CYB5R4: variants seen among roughly 807,000 people sequenced by gnomAD.
CYB5R4 encodes N-terminal cytochrome b5 and cytochrome b5 oxidoreductase domain-containing protein.
A neutral mutation model predicts 70.2 loss-of-function variants in CYB5R4; 55 were observed. The observed-to-expected ratio is 0.78, with a 90% CI of 0.63 to 0.98. The LOEUF is 0.98. Among genes scored for constraint, CYB5R4 ranks in the 50% least tolerant of loss-of-function variants. The pLI is 0.00. For synonymous variants in CYB5R4, 197 were observed against 199.5 expected, an observed-to-expected ratio of 0.99 and a Z score of 0.11; for missense variants, 562 against 612.6, an observed-to-expected ratio of 0.92 and a Z score of 0.87.
At chr6:83,925,035 G>A (rs1282327001) in intron 10 of CYB5R4, among the ~76,000 whole-genome samples, 2 of 152,034 alleles carry the variant, frequency 1.3e-5, no homozygotes, top group Non-Finnish European at 2.9e-5. Context: ...CTTCTCACAT[G>A]GCTATAAAGA....
chr6:83,934,501 G>GA lies in CYB5R4; in HGVS notation c.815-90dup, dbSNP rs2099468627. 1.8e-5 allele frequency: 15 copies of GA among 835,136 alleles called. No individual in the cohort carries two copies. The South Asian group carries it at 3.5e-4, about 20-fold the overall frequency. The allele number at this position is 835,136 out of a possible 1,614,324, so 51.7% of individuals were successfully genotyped here. A position where few individuals can be genotyped will look rare whatever the true frequency, so the allele number is the denominator to read the frequency against. On this transcript the variant is annotated intron_variant, in intron 10 of 15. Coordinates refer to ENST00000369681, the MANE Select transcript of CYB5R4 (RefSeq NM_016230.4). ...ATTTTAGTGAAATTGAAGCTTTCTA[G>GA]AAAACAGAAGCTGAGTATATGCTTT... is the stretch of plus-strand genomic sequence containing the variant.
chr6:83,934,251 A>G (rs2099468585), intron 10 of CYB5R4, among the ~76,000 whole-genome samples: 1 of 152,018 alleles, frequency 6.6e-6, no homozygotes, highest in African/African-American at 2.4e-5. Context: ...TAAAAAAAAA[A>G]AAAAGACTTT....
intron 15 of CYB5R4, among the ~76,000 whole-genome samples, chr6:83,956,662 T>G (rs1336257387): frequency 2.0e-5 from 3 of 152,192 alleles, no homozygotes; most frequent in Non-Finnish European, 4.4e-5. Context: ...TTAATAGGAT[T>G]CTTTACAGAT....
intron 10 of CYB5R4, 22 bp downstream of exon 10, chr6:83,924,614 C>A: frequency 6.2e-7 from 1 of 1,604,784 alleles, no homozygotes; most frequent in Non-Finnish European, 8.5e-7. Context: ...TCTTTTGTTA[C>A]GTTAATTTCA....
At position 83,920,359 on chromosome 6, in the gene CYB5R4, C is replaced by T. The variant is rs180830118; in HGVS notation, c.565-723C>T. Among the ~76,000 whole-genome samples, 10 of 152,128 alleles carry T rather than the reference C, an allele frequency of 6.6e-5. No individual in the cohort carries two copies. In the East Asian group the frequency reaches 1.9e-3, roughly 30 times the overall value. ...TGACCAGCCTCTGCTTGGAAAGAGCCAAGATGGCCAGAGGCACTACTTATC... is the reference window on the plus strand; with the variant it reads ...TGACCAGCCTCTGCTTGGAAAGAGCTAAGATGGCCAGAGGCACTACTTATC... On this transcript the variant is annotated intron_variant, in intron 7 of 15. Transcript: ENST00000369681.
At chr6:83,950,659 T>C (rs1467969173) in intron 14 of CYB5R4, among the ~76,000 whole-genome samples, 1 of 152,162 alleles carries the variant, frequency 6.6e-6, no homozygotes, top group East Asian at 1.9e-4. Context: ...TTAGTAAAGG[T>C]AGTGGTACAT....
chr6:83,914,389 G>T, intron 4 of CYB5R4, 27 bp from the exon 5 acceptor site: 1 of 1,524,452 alleles, frequency 6.6e-7, no homozygotes, highest in Non-Finnish European at 8.9e-7. Flanking sequence ...ATTCTTATTT[G>T]ACTTTTTTTT....
rs563636753 is a variant in CYB5R4, at chr6:83,960,281, CTGT to C, written c.*405_*407del. ...AATACAGATTAAATTTTACCTTGCACTGTTAACTCAGGAAATGATCATTTATGT... is the reference window on the plus strand; with the variant it reads ...AATACAGATTAAATTTTACCTTGCACTAACTCAGGAAATGATCATTTATGT... On this transcript the variant is annotated 3_prime_UTR_variant, in exon 16 of 16. Transcript: ENST00000369681. The C allele has an allele frequency of 1.6e-4, 26 of 157,648 alleles. No individual in the cohort carries two copies. The East Asian group carries it at 4.2e-3, about 25-fold the overall frequency. 9.8% of individuals were successfully genotyped at this position (157,648 alleles called of 1,614,324 possible).
intron 2 of CYB5R4, among the ~76,000 whole-genome samples, chr6:83,866,542 G>A (rs866750972): frequency 2.6e-4 from 39 of 151,932 alleles, no homozygotes; most frequent in Middle Eastern, 3.4e-3. Context: ...CACTGCTCCC[G>A]GTTCCATATC....
At chr6:83,924,157 T>G (rs575824099) in intron 9 of CYB5R4, among the ~76,000 whole-genome samples, 65 of 151,364 alleles carry the variant, frequency 4.3e-4, no homozygotes, top group Admixed American at 3.0e-3. Context: ...TTTTTTTTTT[T>G]TTGTTAGCTT....
intron 2 of CYB5R4, among the ~76,000 whole-genome samples, chr6:83,871,719 T>C (rs1351817142): frequency 1.3e-5 from 2 of 152,140 alleles, no homozygotes; most frequent in Non-Finnish European, 2.9e-5. Context: ...CAGTTTTAGT[T>C]GTGTTTTTCA....
rs34196225 is a variant in CYB5R4 at position 83,957,622 on chromosome 6, CAAAAAAAAAAAA to C, written c.1511+2173_1512-2178del. Reference sequence around the variant, plus strand: ...GGGCAACAAGAGCGAAACTCTGTCTCAAAAAAAAAAAAAAAAAAAAAAAATTGACCAGAACCT... The same window carrying C: ...GGGCAACAAGAGCGAAACTCTGTCTCAAAAAAAAAAAATTGACCAGAACCT... On this transcript the variant is annotated intron_variant, in intron 15 of 15. Coordinates refer to ENST00000369681, the MANE Select transcript of CYB5R4 (RefSeq NM_016230.4). Among the ~76,000 whole-genome samples the C allele has an allele frequency of 0.02, 1,337 of 66,950 alleles. 63 individuals carry two copies. The East Asian group carries it at 0.2, about 10-fold the overall frequency. 43.9% of individuals were successfully genotyped at this position (66,950 alleles called of 152,430 possible).
chr6:83,864,277 G>A lies in CYB5R4; in HGVS notation c.178G>A (p.Glu60Lys), dbSNP rs1475683565. 2 of 1,613,238 alleles carry A rather than the reference G, an allele frequency of 1.2e-6. No individual in the cohort carries two copies. Among genetic ancestry groups the A allele is most frequent in the Admixed American group, 3.3e-5 (2 of 59,918 alleles). Reference protein sequence around the residue: ...LKGRLIEVTEEELKKHNKKDD... With the variant: ...LKGRLIEVTEKELKKHNKKDD... ...AGGCAGGTTAATTGAAGTAACTGAA[G>A]AAGAACTTAAGAAACACAACAAAAA... is the stretch of plus-strand genomic sequence containing the variant. The change falls in exon 2 of 16, where the codon GAA (glutamate) becomes AAA (lysine). Residue 60 changes from glutamate to lysine, a missense_variant. By Grantham distance (56) the Glu-to-Lys change is moderately conservative. Coordinates refer to ENST00000369681, the MANE Select transcript of CYB5R4 (RefSeq NM_016230.4).
intron 12 of CYB5R4, among the ~76,000 whole-genome samples, chr6:83,938,857 GT>G (rs201737260): frequency 0.041 from 6,256 of 150,760 alleles, 451 homozygotes; most frequent in African/African-American, 0.14. Flanking sequence ...TTGAGATGGA[GT>G]TTTGCTCTTG....
intron 2 of CYB5R4, among the ~76,000 whole-genome samples, chr6:83,890,892 T>C (rs1419466983): frequency 6.6e-6 from 1 of 152,184 alleles, no homozygotes; most frequent in East Asian, 1.9e-4. Context: ...TACATTATTG[T>C]CTTAGACATA....
Position 83,961,574 on chromosome 6 carries a change from AATTGTAC to A in CYB5R4, c.*1700_*1706del. The stretch of plus-strand genomic sequence containing the variant: ...TTGCTTCTTCTTTGCTTTCTACCAT[AATTGTAC>A]ATTTCCTGAGGCCTCCCCAGCCATG... On this transcript the variant is annotated 3_prime_UTR_variant, in exon 16 of 16. Coordinates refer to ENST00000369681, the MANE Select transcript of CYB5R4 (RefSeq NM_016230.4). The A allele has an allele frequency of 6.6e-6, 1 of 152,066 alleles. No individual in the cohort carries two copies. The highest frequency in any genetic ancestry group is 1.5e-5 in the Non-Finnish European group (1 of 68,146). The allele number at this position is 152,066 out of a possible 1,614,324, so 9.4% of individuals were successfully genotyped here. A position where few individuals can be genotyped will look rare whatever the true frequency, so the allele number is the denominator to read the frequency against.
chr6:83,895,227 G>A (rs1384635789), intron 3 of CYB5R4, among the ~76,000 whole-genome samples: 1 of 152,116 alleles, frequency 6.6e-6, no homozygotes, highest in Admixed American at 6.5e-5. Flanking sequence ...GTGCAGTGGT[G>A]TGATCTTGGA....
intron 14 of CYB5R4, among the ~76,000 whole-genome samples, chr6:83,948,797 T>C (rs2099471072): frequency 6.6e-6 from 1 of 152,118 alleles, no homozygotes; most frequent in African/African-American, 2.4e-5. Context: ...GTTGGTGAGG[T>C]TGCATAGGCT....
intron 2 of CYB5R4, among the ~76,000 whole-genome samples, chr6:83,875,918 A>G (rs1211318754): frequency 3.3e-5 from 5 of 152,120 alleles, no homozygotes; most frequent in Non-Finnish European, 5.9e-5. Flanking sequence ...GAGGCTAGGT[A>G]TGTCTGACTT....
Sources: allele counts gnomAD v4.1 joint callset (sites outside exome capture counted in the v4.1 genomes callset), GRCh38; gene constraint gnomAD v4.1.1; transcripts MANE v1.5; gene names NCBI Gene and HGNC (gene_info 2026-07-23, HGNC 2026-07-21).